SNTG2: variants seen among roughly 807,000 people sequenced by gnomAD.
The protein encoded by SNTG2 is syntrophin gamma 2.
Under a neutral mutation model 70.9 loss-of-function variants are expected in SNTG2, and 74 were observed. That is an observed-to-expected ratio of 1.04 (90% CI 0.86 to 1.27). The LOEUF is 1.27. Ranked by LOEUF, SNTG2 falls within the 50% of genes most tolerant of loss-of-function variation. SNTG2 has a pLI of 0.00. For missense variants in SNTG2, 717 were observed against 690.7 expected, an observed-to-expected ratio of 1.04 and a Z score of -0.43; for synonymous variants, 278 against 273.8, an observed-to-expected ratio of 1.02 and a Z score of -0.15.
chr2:1,217,315 T>G (rs951051944), intron 9 of SNTG2, among the ~76,000 whole-genome samples: 1 of 152,208 alleles, frequency 6.6e-6, no homozygotes, highest in Admixed American at 6.5e-5. Flanking sequence ...AAGCTTATAC[T>G]CAAGTGGTTC....
chr2:1,014,737 G>A (rs889154362), intron 1 of SNTG2, among the ~76,000 whole-genome samples: 1 of 151,468 alleles, frequency 6.6e-6, no homozygotes, highest in Non-Finnish European at 1.5e-5. Flanking sequence ...ATTTATATGG[G>A]CAGAGAGAGA....
At chr2:1,035,525 C>A (rs1485396789) in intron 1 of SNTG2, among the ~76,000 whole-genome samples, 1 of 152,218 alleles carries the variant, frequency 6.6e-6, no homozygotes, top group Non-Finnish European at 1.5e-5. Context: ...TCTCCAGCTG[C>A]AATTCTAAAG....
intron 9 of SNTG2, among the ~76,000 whole-genome samples, chr2:1,225,459 C>G (rs1675705748): frequency 6.6e-6 from 1 of 152,148 alleles, no homozygotes; most frequent in Non-Finnish European, 1.5e-5. Flanking sequence ...ACATCGTTGA[C>G]CGGTCGTAAA....
intron 14 of SNTG2, among the ~76,000 whole-genome samples, chr2:1,288,691 C>T (rs1335333984): frequency 6.6e-6 from 1 of 152,184 alleles, no homozygotes; most frequent in Non-Finnish European, 1.5e-5. Context: ...TGCATATGCA[C>T]TTATATGTAT....
At chr2:1,051,100 A>G (rs1662032977) in intron 1 of SNTG2, among the ~76,000 whole-genome samples, 1 of 147,088 alleles carries the variant, frequency 6.8e-6, no homozygotes, top group African/African-American at 2.5e-5. Flanking sequence ...AATATCATCT[A>G]TGAAAAATGC....
At chr2:1,227,017 T>A (rs1412547512) in intron 9 of SNTG2, among the ~76,000 whole-genome samples, 1 of 152,256 alleles carries the variant, frequency 6.6e-6, no homozygotes, top group East Asian at 1.9e-4. Context: ...GCAGGTGCCC[T>A]GCGTGCTGTC....
At chr2:1,117,099 G>A (rs1195296877) in intron 4 of SNTG2, among the ~76,000 whole-genome samples, 1 of 151,794 alleles carries the variant, frequency 6.6e-6, no homozygotes, top group Non-Finnish European at 1.5e-5. Flanking sequence ...GTGTACAGGT[G>A]CCCCGGTGTA....
chr2:952,276 A>T (rs1211140527), intron 1 of SNTG2, among the ~76,000 whole-genome samples: 1 of 152,222 alleles, frequency 6.6e-6, no homozygotes, highest in African/African-American at 2.4e-5. Context: ...GTGGAATCAC[A>T]GGCTTTCCGT....
Position 1,057,008 on chromosome 2 carries a change from C to T in SNTG2, c.73-26510C>T, listed in dbSNP as rs185473942. 2.9e-3 allele frequency among the ~76,000 whole-genome samples: 424 copies of T among 148,172 alleles called. 9 individuals carry two copies. In the East Asian group the frequency reaches 0.032, roughly 11 times the overall value. On this transcript the variant is annotated intron_variant, in intron 1 of 16. Coordinates refer to ENST00000308624, the MANE Select transcript of SNTG2 (RefSeq NM_018968.4). ...CACCCCGTGGGGAGGGAGGAGAGGG[C>T]GGCGCAGCGCTGTGCTGCGGGGAAC... is the stretch of plus-strand genomic sequence containing the variant.
chr2:1,109,108 G>A (rs535035868), intron 4 of SNTG2, among the ~76,000 whole-genome samples: 11 of 152,004 alleles, frequency 7.2e-5, no homozygotes, highest in African/African-American at 1.7e-4. Context: ...TCACTGGGGC[G>A]CAGGGTATGG....
At chr2:993,077 T>TA (rs1661556036) in intron 1 of SNTG2, among the ~76,000 whole-genome samples, 1 of 149,138 alleles carries the variant, frequency 6.7e-6, no homozygotes, top group Non-Finnish European at 1.5e-5. Flanking sequence ...GTTCTTTTTT[T>TA]TTTTTTTTTT....
At chr2:1,359,609 T>C (rs1309171787) in intron 16 of SNTG2, among the ~76,000 whole-genome samples, 1 of 152,172 alleles carries the variant, frequency 6.6e-6, no homozygotes, top group East Asian at 1.9e-4. Flanking sequence ...TCTCAATGTT[T>C]TTGTTGTTGT....
intron 15 of SNTG2, among the ~76,000 whole-genome samples, chr2:1,312,507 G>A (rs556462628): frequency 1.3e-5 from 2 of 152,338 alleles, no homozygotes; most frequent in African/African-American, 4.8e-5. Flanking sequence ...CTGGGTCCAG[G>A]AGGGGTGCCG....
chr2:1,234,654 C>T (rs944865331), intron 9 of SNTG2, among the ~76,000 whole-genome samples: 4 of 152,146 alleles, frequency 2.6e-5, no homozygotes, highest in East Asian at 1.9e-4. Flanking sequence ...AGGACACAGC[C>T]GTCTGCCCCT....
rs374523169 is a variant in SNTG2 at position 1,209,036 on chromosome 2, A to G, written c.592-67A>G. 1.9e-5 allele frequency: 30 copies of G among 1,586,438 alleles called. No individual in the cohort carries two copies. In the South Asian group the frequency reaches 3.1e-4, roughly 16 times the overall value. ...TGAGTTCTGTGTTCCAGGTGCCTGC[A>G]GATGCCTCTCCCCGCATGCAGCCTC... On this transcript the variant is annotated intron_variant, in intron 8 of 16. Transcript: ENST00000308624.
At chr2:1,360,079 G>T (rs1022074540) in intron 16 of SNTG2, among the ~76,000 whole-genome samples, 1 of 151,972 alleles carries the variant, frequency 6.6e-6, no homozygotes, top group Non-Finnish European at 1.5e-5. Flanking sequence ...TACATTAAAT[G>T]ATTGAAAGAA....
intron 1 of SNTG2, among the ~76,000 whole-genome samples, chr2:1,033,086 G>C (rs1318420656): frequency 6.6e-6 from 1 of 152,158 alleles, no homozygotes; most frequent in Non-Finnish European, 1.5e-5. Flanking sequence ...AGCACCAAGA[G>C]GATGGCACTG....
intron 1 of SNTG2, among the ~76,000 whole-genome samples, chr2:960,222 G>C (rs1045426347): frequency 2.6e-5 from 4 of 152,144 alleles, no homozygotes; most frequent in Non-Finnish European, 5.9e-5. Flanking sequence ...TCAGGCGTCT[G>C]TGACTAGGGT....
chr2:1,233,318 C>T (rs1004125479), intron 9 of SNTG2, among the ~76,000 whole-genome samples: 3 of 152,112 alleles, frequency 2.0e-5, no homozygotes, highest in African/African-American at 7.2e-5. Context: ...GCTTTAATGA[C>T]AACTGCTAAT....
Sources: allele counts gnomAD v4.1 joint callset (sites outside exome capture counted in the v4.1 genomes callset), GRCh38; gene constraint gnomAD v4.1.1; transcripts MANE v1.5; gene names NCBI Gene and HGNC (gene_info 2026-07-23, HGNC 2026-07-21).